The following KDM4C variants were observed in gnomAD, a reference collection of about 807,000 sequenced individuals.
KDM4C encodes the protein lysine demethylase 4C.
A neutral mutation model predicts 129.3 loss-of-function variants in KDM4C; 81 were observed. The observed-to-expected ratio is 0.63, with a 90% CI of 0.52 to 0.75. The LOEUF is 0.75. Among genes scored for constraint, KDM4C ranks in the 30% least tolerant of loss-of-function variants. The pLI is 0.00. For synonymous variants in KDM4C, 573 were observed against 456.1 expected, an observed-to-expected ratio of 1.26 and a Z score of -3.26; for missense variants, 1,457 against 1,304.0, an observed-to-expected ratio of 1.12 and a Z score of -1.81.
intron 3 of KDM4C, among the ~76,000 whole-genome samples, chr9:6,807,355 G>A (rs1162939120): frequency 2.6e-4 from 39 of 148,388 alleles, no homozygotes; most frequent in Middle Eastern, 3.2e-3. Flanking sequence ...CGTCTGGGAT[G>A]TGAGGAGCCC....
intron 1 of KDM4C, among the ~76,000 whole-genome samples, chr9:6,744,958 G>T (rs116521201): frequency 6.6e-6 from 1 of 152,042 alleles, no homozygotes; most frequent in Non-Finnish European, 1.5e-5. Context: ...GGAGGTGCAC[G>T]GCCAGCCCTC....
chr9:6,954,071 C>G (rs180936851), intron 8 of KDM4C, among the ~76,000 whole-genome samples: 1 of 152,178 alleles, frequency 6.6e-6, no homozygotes, highest in African/African-American at 2.4e-5. Context: ...TTCATGGATA[C>G]TTCACCTCAT....
chr9:6,996,282 G>A (rs1245451771), intron 12 of KDM4C, among the ~76,000 whole-genome samples: 1 of 152,142 alleles, frequency 6.6e-6, no homozygotes, highest in South Asian at 2.1e-4. Flanking sequence ...AAGTGACGTT[G>A]GGCTAATAAT....
At chr9:7,028,154 A>G (rs1826105844) in intron 15 of KDM4C, among the ~76,000 whole-genome samples, 1 of 152,088 alleles carries the variant, frequency 6.6e-6, no homozygotes. Context: ...CTTATCAGAA[A>G]GAATCTCTCC....
At chr9:6,839,446 C>T (rs1338530134) in intron 4 of KDM4C, among the ~76,000 whole-genome samples, 1 of 144,732 alleles carries the variant, frequency 6.9e-6, no homozygotes, top group Non-Finnish European at 1.5e-5. Context: ...CACTGTGTTA[C>T]CCAGGCTGGT....
intron 17 of KDM4C, among the ~76,000 whole-genome samples, chr9:7,065,097 T>G (rs1397216918): frequency 6.6e-6 from 1 of 152,212 alleles, no homozygotes; most frequent in Non-Finnish European, 1.5e-5. Context: ...TGCCAAGATG[T>G]GTGGCCACCT....
chr9:7,044,692 C>T (rs1829133447), intron 15 of KDM4C, among the ~76,000 whole-genome samples: 1 of 151,916 alleles, frequency 6.6e-6, no homozygotes, highest in Non-Finnish European at 1.5e-5. Context: ...GTTTGAGATA[C>T]CTGTGGCACT....
chr9:6,822,613 T>C (rs1833218628), intron 4 of KDM4C, among the ~76,000 whole-genome samples: 1 of 152,196 alleles, frequency 6.6e-6, no homozygotes, highest in South Asian at 2.1e-4. Flanking sequence ...TATGTTTCAC[T>C]AAGGGCTGGT....
intron 4 of KDM4C, among the ~76,000 whole-genome samples, chr9:6,818,063 C>G (rs768100248): frequency 6.6e-6 from 1 of 152,170 alleles, no homozygotes; most frequent in East Asian, 1.9e-4. Context: ...CCGCACCCTG[C>G]CCAGGAATAT....
At chr9:6,850,807 T>C in intron 5 of KDM4C, among the ~76,000 whole-genome samples, 1 of 152,176 alleles carries the variant, frequency 6.6e-6, no homozygotes, top group African/African-American at 2.4e-5. Context: ...CAGGCTGGAG[T>C]GCAGTGGTGC....
intron 15 of KDM4C, among the ~76,000 whole-genome samples, chr9:7,019,323 G>A (rs1236470811): frequency 6.6e-6 from 1 of 152,086 alleles, no homozygotes; most frequent in African/African-American, 2.4e-5. Context: ...CTCCAGAGGA[G>A]CCCTAGCCTC....
rs372116786 is a variant in KDM4C, at chr9:7,086,326, A to G, written c.2425-17359A>G. Among the ~76,000 whole-genome samples, 4 of 152,218 alleles carry G rather than the reference A, an allele frequency of 2.6e-5. No individual in the cohort carries two copies. In the East Asian group the frequency reaches 5.8e-4, roughly 22 times the overall value. On this transcript the variant is annotated intron_variant, in intron 17 of 21. Transcript: ENST00000381309. ...ACAGCATTTTTGTGTGTCCCCTCTC[A>G]TATACAGTGATTGCCGCAACACCAG...
At chr9:7,024,557 C>T (rs1181833222) in intron 15 of KDM4C, among the ~76,000 whole-genome samples, 2 of 147,510 alleles carry the variant, frequency 1.4e-5, no homozygotes, top group East Asian at 2.0e-4. Context: ...TTGTTCAATT[C>T]CCACCTGTGA....
chr9:7,137,115 C>T (rs73639820), intron 19 of KDM4C, among the ~76,000 whole-genome samples: 19 of 152,298 alleles, frequency 1.2e-4, no homozygotes, highest in East Asian at 3.9e-4. Flanking sequence ...TCATTACCTG[C>T]TATTTCACTG....
chr9:6,820,714 CTTTTTTTT>C (rs35264767), intron 4 of KDM4C, among the ~76,000 whole-genome samples: 31 of 127,150 alleles, frequency 2.4e-4, no homozygotes, highest in African/African-American at 8.6e-4. Flanking sequence ...CTCTCTCTCT[CTTTTTTTT>C]TTTTTTTTTT....
chr9:6,924,870 A>G (rs1379307977), intron 8 of KDM4C: 7 of 984,546 alleles, frequency 7.1e-6, no homozygotes, highest in Admixed American at 6.1e-5. Flanking sequence ...ATTTTTTTCA[A>G]TGAATATTTG....
Position 7,042,074 on chromosome 9 carries a change from G to C in KDM4C, c.2260-4788G>C, listed in dbSNP as rs1375111632. Among the ~76,000 whole-genome samples the C allele has an allele frequency of 2.6e-5, 4 of 152,120 alleles. No homozygotes were observed. In the East Asian group the frequency reaches 7.7e-4, roughly 29 times the overall value. ...TATATTTATGTTATCTAGAACCACAGTTAATCTTGTGCATGTTTAACTACT... is the reference window on the plus strand; with the variant it reads ...TATATTTATGTTATCTAGAACCACACTTAATCTTGTGCATGTTTAACTACT... On this transcript the variant is annotated intron_variant, in intron 15 of 21. Coordinates refer to ENST00000381309, the MANE Select transcript of KDM4C (RefSeq NM_015061.6).
At position 6,763,787 on chromosome 9, in the gene KDM4C, C is replaced by T. The variant is rs564924260; in HGVS notation, c.-18+5584C>T. 1.6e-4 allele frequency among the ~76,000 whole-genome samples: 24 copies of T among 152,256 alleles called. No homozygotes were observed. The East Asian group carries it at 2.1e-3, about 13-fold the overall frequency. ...TTTTTCTTTTTTTGAGATAGAGTTT[C>T]GCTCTTGTTGCCCAGGCTGGAGTGC... On this transcript the variant is annotated intron_variant, in intron 1 of 21. Transcript: ENST00000381309.
At chr9:6,892,783 G>C (rs1045407984) in intron 7 of KDM4C, among the ~76,000 whole-genome samples, 4 of 152,152 alleles carry the variant, frequency 2.6e-5, no homozygotes, top group African/African-American at 4.8e-5. Flanking sequence ...TATATAGCTT[G>C]ATAGCTAATA....
Sources: allele counts gnomAD v4.1 joint callset (sites outside exome capture counted in the v4.1 genomes callset), GRCh38; gene constraint gnomAD v4.1.1; transcripts MANE v1.5; gene names NCBI Gene and HGNC (gene_info 2026-07-23, HGNC 2026-07-21).